SBNO2: variants seen among roughly 807,000 people sequenced by gnomAD.
SBNO2 encodes protein strawberry notch homolog 2.
In SBNO2, 89 loss-of-function variants were observed where a neutral mutation model predicts 146.3. That is an observed-to-expected ratio of 0.61 (90% CI 0.51 to 0.73). The LOEUF (loss-of-function observed/expected upper bound fraction) is 0.73, where lower values mean the gene tolerates loss of function less well. Among genes scored for constraint, SBNO2 ranks in the 30% least tolerant of loss-of-function variants. The pLI is 0.00. For synonymous variants in SBNO2, 1,147 were observed against 892.6 expected (o/e 1.29, Z -5.08); for missense variants, 2,092 against 2,003.7 (o/e 1.04, Z -0.84).
At chr19:1,127,144 T>C (rs1031517533) in intron 5 of SBNO2, among the ~76,000 whole-genome samples, 1 of 145,494 alleles carries the variant, frequency 6.9e-6, no homozygotes, top group Non-Finnish European at 1.5e-5. Flanking sequence ...ACAGGTGCTG[T>C]TCCTCTGCCT....
At chr19:1,120,855 G>C (rs2079892987) in intron 11 of SBNO2, among the ~76,000 whole-genome samples, 1 of 151,984 alleles carries the variant, frequency 6.6e-6, no homozygotes, top group Middle Eastern at 3.4e-3. Context: ...TTTCAGTAGA[G>C]ACGGGGTTTC....
intron 8 of SBNO2, 37 bp from the exon 9 acceptor site, chr19:1,122,828 C>A: frequency 6.5e-7 from 1 of 1,536,888 alleles, no homozygotes; most frequent in South Asian, 1.2e-5. Flanking sequence ...CCTGGGGGTG[C>A]TGGCCCGGCC....
chr19:1,119,696 G>T (rs891778287), intron 12 of SBNO2, 75 bp from the exon 13 acceptor site: 7 of 1,331,428 alleles, frequency 5.3e-6, no homozygotes, highest in Non-Finnish European at 7.4e-6. Flanking sequence ...ACTAAGTTGG[G>T]ACCACCCGAC....
intron 4 of SBNO2, chr19:1,132,238 A>ACGGGGGCGG: frequency 7.7e-7 from 1 of 1,302,024 alleles, no homozygotes. Context: ...GCCGGGGCGG[A>ACGGGGGCGG]CGGGGGCGGC....
rs377332330 is a variant in SBNO2 at position 1,116,050 on chromosome 19, C to T, written c.1856G>A (p.Arg619Gln). ...CCGCTTGCTGCCCGCTCCTCTGTCC[C>T]GCTTTCTCTTGGTGGACGGAAAGTG... ...QKHFPSTKRK[R>Q]DRGAGSKRKR... The change falls in exon 17 of 32, where the codon CGG becomes CAG. Residue 619 changes from arginine (R) to glutamine (Q), a missense_variant. Transcript: ENST00000361757. 44 of 1,611,100 alleles carry T rather than the reference C, an allele frequency of 2.7e-5. No homozygotes were observed. Among genetic ancestry groups the T allele is most frequent in the Non-Finnish European group, 3.6e-5 (43 of 1,179,286 alleles).
chr19:1,145,304 C>CAA (rs34903065), intron 4 of SBNO2, among the ~76,000 whole-genome samples: 8,064 of 102,676 alleles, frequency 0.079, 889 homozygotes, highest in African/African-American at 0.27. Flanking sequence ...CTGTCTCTAC[C>CAA]AAAAAAAAAA....
chr19:1,173,477 G>A lies in SBNO2; in HGVS notation c.-127+695C>T, dbSNP rs2080500579. On this transcript the variant is annotated intron_variant, in intron 1 of 31. Transcript: ENST00000361757. This position sits in a 1 kb window ranked among gnomAD's most constrained non-coding sequence, Gnocchi z 4.7. ...CCGAAAAACCATCTGCCCCAGAAGAGAAGTCGGAGGCCCCAGGAGCGGGAG... is the reference window on the plus strand; with the variant it reads ...CCGAAAAACCATCTGCCCCAGAAGAAAAGTCGGAGGCCCCAGGAGCGGGAG... 2.6e-5 allele frequency among the ~76,000 whole-genome samples: 4 copies of A among 152,322 alleles called. No individual in the cohort carries two copies. Among genetic ancestry groups the A allele is most frequent in the Middle Eastern group, 3.4e-3 (1 of 294 alleles).
chr19:1,112,319 C>G lies in SBNO2; in HGVS notation c.2516-18G>C, dbSNP rs1322169633. 1.3e-6 allele frequency: 2 copies of G among 1,576,184 alleles called. No homozygotes were observed. The highest frequency in any genetic ancestry group is 1.7e-6 in the Non-Finnish European group (2 of 1,162,580). On this transcript the variant is annotated intron_variant, in intron 21 of 31. Transcript: ENST00000361757. The surrounding 1 kb of genome is among the most constrained non-coding windows in gnomAD (Gnocchi z 5.9). ...GGTGCGGCCTGGGGGCAGAGCTGCT[C>G]TCAGGGCCCGGCCAGGCGGGGGCGG...
chr19:1,156,715 G>A (rs975162235), intron 1 of SBNO2, among the ~76,000 whole-genome samples: 1 of 152,158 alleles, frequency 6.6e-6, no homozygotes, highest in African/African-American at 2.4e-5. Context: ...GACGCACCTT[G>A]AGGACGTCAC....
At chr19:1,155,813 C>T (rs2080285013) in intron 1 of SBNO2, among the ~76,000 whole-genome samples, 1 of 152,186 alleles carries the variant, frequency 6.6e-6, no homozygotes, top group Non-Finnish European at 1.5e-5. Context: ...TCCAGGGGCC[C>T]ACCAGTGCTA....
Position 1,111,036 on chromosome 19 carries a change from C to T in SBNO2, c.2867G>A (p.Cys956Tyr). The T allele has an allele frequency of 1.3e-6, 2 of 1,577,436 alleles. No homozygotes were observed. The highest frequency in any genetic ancestry group is 1.2e-5 in the South Asian group (1 of 86,860). Residue 956 changes from cysteine (C) to tyrosine (Y), a missense_variant, in exon 25 of 32, where the codon TGC (cysteine) becomes TAC (tyrosine). Coordinates refer to ENST00000361757, the MANE Select transcript of SBNO2 (RefSeq NM_014963.3). Reference protein sequence around the residue: ...GIGGRESRNGCLDVEKDCSIT... With the variant: ...GIGGRESRNGYLDVEKDCSIT... ...GCACTCACCCTTCTCCACGTCCAGGCAGCCATTCCGGGACTCCCGGCCACC... is the reference window on the plus strand; with the variant it reads ...GCACTCACCCTTCTCCACGTCCAGGTAGCCATTCCGGGACTCCCGGCCACC...
At chr19:1,167,312 C>T (rs943715424) in intron 1 of SBNO2, among the ~76,000 whole-genome samples, 2 of 152,256 alleles carry the variant, frequency 1.3e-5, no homozygotes, top group Non-Finnish European at 2.9e-5. Context: ...GACACCCACG[C>T]GCCCTCTCTG....
intron 4 of SBNO2, among the ~76,000 whole-genome samples, chr19:1,129,948 G>A (rs914310481): frequency 6.6e-6 from 1 of 152,116 alleles, no homozygotes; most frequent in Non-Finnish European, 1.5e-5. Flanking sequence ...AGGACAACAG[G>A]GTCCTCCCGC....
At chr19:1,168,954 C>T (rs891938591) in intron 1 of SBNO2, 6 of 152,300 alleles carry the variant, frequency 3.9e-5, no homozygotes, top group African/African-American at 1.4e-4. Flanking sequence ...GAGCCGCCTT[C>T]CGGAACCTGG....
chr19:1,125,490 G>T (rs1431889545), intron 5 of SBNO2, among the ~76,000 whole-genome samples: 1 of 151,776 alleles, frequency 6.6e-6, no homozygotes, highest in Non-Finnish European at 1.5e-5. Flanking sequence ...GACCAAAATG[G>T]ATAAACCCCA....
intron 23 of SBNO2, 66 bp downstream of exon 23, chr19:1,111,930 T>G: frequency 7.6e-6 from 10 of 1,323,190 alleles, no homozygotes; most frequent in African/African-American, 1.5e-5. Flanking sequence ...CCCCAGGCTC[T>G]TAGATCCGGC....
At position 1,112,851 on chromosome 19, in the gene SBNO2, G is replaced by T. The variant is rs987330249; in HGVS notation, c.2346C>A (p.Leu782=). The T allele has an allele frequency of 6.3e-7, 1 of 1,576,382 alleles. No individual in the cohort carries two copies. Among genetic ancestry groups the T allele is most frequent in the African/African-American group, 1.3e-5 (1 of 74,078 alleles). Residue 782 remains leucine (L), a synonymous_variant, in exon 20 of 32, where the codon CTC becomes CTA. Transcript: ENST00000361757. This position sits in a 1 kb window ranked among gnomAD's most constrained non-coding sequence, Gnocchi z 5.9. Reference sequence around the variant, plus strand: ...CGCTCATGAAGCGCTGCTTCTCCCTGAGGTTCACGTGGTCGATGGACAGAC... The same window carrying T: ...CGCTCATGAAGCGCTGCTTCTCCCTTAGGTTCACGTGGTCGATGGACAGAC... The part of the protein sequence containing the change: ...EQGLSIDHVN[L]REKQRFMSGE...
At chr19:1,171,992 G>A (rs1467510213) in intron 1 of SBNO2, among the ~76,000 whole-genome samples, 2 of 152,174 alleles carry the variant, frequency 1.3e-5, no homozygotes, top group African/African-American at 2.4e-5. Flanking sequence ...ATGGATGAGG[G>A]AAGCTCCTGC....
chr19:1,108,044 A>T lies in SBNO2; in HGVS notation c.*176T>A. 1.8e-6 allele frequency: 1 copy of T among 568,694 alleles called. No homozygotes were observed. Among genetic ancestry groups the T allele is most frequent in the Non-Finnish European group, 2.7e-6 (1 of 365,368 alleles). The allele number at this position is 568,694 out of a possible 1,614,324, so 35.2% of individuals were successfully genotyped here. On this transcript the variant is annotated 3_prime_UTR_variant, in exon 32 of 32. Coordinates refer to ENST00000361757, the MANE Select transcript of SBNO2 (RefSeq NM_014963.3). ...CACGCCCCGGCCCCCAGCTGTCCTGAGTGGGCCCCGCCAGGGCTGACCAGG... is the reference window on the plus strand; with the variant it reads ...CACGCCCCGGCCCCCAGCTGTCCTGTGTGGGCCCCGCCAGGGCTGACCAGG...
Sources: gnomAD v4.1 joint callset for allele counts (sites outside exome capture counted in the v4.1 genomes callset) on GRCh38, gnomAD v4.1.1 for gene constraint, Gnocchi (gnomAD v3.1) non-coding constraint, MANE v1.5 for transcripts, NCBI Gene and HGNC (gene_info 2026-07-23, HGNC 2026-07-21) for gene names.